PLD5: variants seen among roughly 807,000 people sequenced by gnomAD.
PLD5 encodes phospholipase D family member 5.
In PLD5, 36 loss-of-function variants were observed where a neutral mutation model predicts 61.1. The observed-to-expected ratio is 0.59, with a 90% CI of 0.45 to 0.78. PLD5 has a LOEUF of 0.78. PLD5 is among the 30% of genes least tolerant of loss of function. The pLI, the probability that PLD5 is intolerant of heterozygous loss-of-function variation, is 0.00. For missense variants in PLD5, 515 were observed against 644.4 expected (o/e 0.80, Z 2.17); for synonymous variants, 243 against 242.8 (o/e 1.00, Z -0.01).
chr1:242,106,363 A>G (rs1490390963), intron 8 of PLD5, among the ~76,000 whole-genome samples: 2 of 152,044 alleles, frequency 1.3e-5, no homozygotes, highest in East Asian at 1.9e-4. Flanking sequence ...GAAACTTTGC[A>G]TTTTCTCCCT....
chr1:242,376,886 A>G lies in PLD5; in HGVS notation c.190-28644T>C, dbSNP rs973465769. 7.8e-5 allele frequency: 121 copies of G among 1,559,450 alleles called. 1 individual carries two copies. The highest frequency in any genetic ancestry group is 7.3e-4 in the Middle Eastern group (3 of 4,130). ...TAACAAAAATGTCTTTTTTATTCCA[A>G]TGTGGACAGGGATTTTCCTCATGGA... On this transcript the variant is annotated intron_variant, in intron 1 of 9. Transcript: ENST00000536534.
intron 4 of PLD5, among the ~76,000 whole-genome samples, chr1:242,221,243 C>A (rs1670568785): frequency 6.6e-6 from 1 of 152,168 alleles, no homozygotes; most frequent in Non-Finnish European, 1.5e-5. Context: ...ACAGTCCATT[C>A]AATGCAAGGG....
chr1:242,295,699 T>G (rs1675614565), intron 2 of PLD5, among the ~76,000 whole-genome samples: 1 of 152,204 alleles, frequency 6.6e-6, no homozygotes, highest in Non-Finnish European at 1.5e-5. Flanking sequence ...TATTTTTAGT[T>G]TGCTGAGAAA....
At chr1:242,194,891 G>A (rs939242236) in intron 5 of PLD5, among the ~76,000 whole-genome samples, 7 of 152,048 alleles carry the variant, frequency 4.6e-5, no homozygotes, top group African/African-American at 1.2e-4. Context: ...GGAGGGAAGC[G>A]GGTAAGGGAT....
intron 1 of PLD5, among the ~76,000 whole-genome samples, chr1:242,406,094 G>A (rs1664221604): frequency 6.6e-6 from 1 of 152,074 alleles, no homozygotes; most frequent in Non-Finnish European, 1.5e-5. Context: ...ACCATGAGTT[G>A]CAAGAATGAC....
chr1:242,269,725 A>C (rs1251104198), intron 3 of PLD5, among the ~76,000 whole-genome samples: 2 of 152,170 alleles, frequency 1.3e-5, no homozygotes, highest in African/African-American at 4.8e-5. Context: ...GGTGAGGAGA[A>C]GTATGGTAAG....
chr1:242,434,660 C>G (rs1665898056), intron 1 of PLD5, among the ~76,000 whole-genome samples: 1 of 152,114 alleles, frequency 6.6e-6, no homozygotes, highest in African/African-American at 2.4e-5. Flanking sequence ...GTCACCCAGG[C>G]TAGAGTGTAG....
chr1:242,179,795 C>T (rs1333103904), intron 5 of PLD5, among the ~76,000 whole-genome samples: 3 of 152,130 alleles, frequency 2.0e-5, no homozygotes, highest in Non-Finnish European at 4.4e-5. Context: ...CCCAGCTACT[C>T]GGGAGGCTGA....
chr1:242,232,371 C>T (rs146058072), intron 4 of PLD5, among the ~76,000 whole-genome samples: 3 of 152,238 alleles, frequency 2.0e-5, no homozygotes, highest in Admixed American at 2.0e-4. Flanking sequence ...TTTGCTTTCT[C>T]ATTGAAAGTA....
chr1:242,156,163 G>A (rs571445632), intron 5 of PLD5, among the ~76,000 whole-genome samples: 1 of 151,098 alleles, frequency 6.6e-6, no homozygotes, highest in East Asian at 2.0e-4. Flanking sequence ...TTAGAGATTA[G>A]GATTGCAACT....
At chr1:242,114,219 T>C (rs1167395903) in intron 6 of PLD5, among the ~76,000 whole-genome samples, 193 bp from the exon 7 acceptor site, 1 of 152,172 alleles carries the variant, frequency 6.6e-6, no homozygotes, top group Admixed American at 6.5e-5. Context: ...GTAGGATGGG[T>C]CTCAAGTCTG....
chr1:242,330,171 G>T (rs1200034475), intron 2 of PLD5, among the ~76,000 whole-genome samples: 1 of 152,116 alleles, frequency 6.6e-6, no homozygotes, highest in Non-Finnish European at 1.5e-5. Flanking sequence ...AAAAAAAAAT[G>T]GTTCCTTCAT....
At position 242,088,666 on chromosome 1, in the gene PLD5, C is replaced by T. The variant is rs182828258; in HGVS notation, c.*1188G>A. The T allele has an allele frequency of 1.3e-5, 2 of 152,078 alleles. No individual in the cohort carries two copies. Among genetic ancestry groups the T allele is most frequent in the African/African-American group, 2.4e-5 (1 of 41,402 alleles). The allele number at this position is 152,078 out of a possible 1,614,324, so 9.4% of individuals were successfully genotyped here. A position where few individuals can be genotyped will look rare whatever the true frequency, so the allele number is the denominator to read the frequency against. Reference sequence around the variant, plus strand: ...GGGCTCTGAAGAGGCCATGCCTCTCCCTAGTGTAGCAATGGTCTCCATTAA... The same window carrying T: ...GGGCTCTGAAGAGGCCATGCCTCTCTCTAGTGTAGCAATGGTCTCCATTAA... On this transcript the variant is annotated 3_prime_UTR_variant, in exon 10 of 10. Transcript: ENST00000536534.
chr1:242,260,311 C>T (rs71648701), intron 4 of PLD5, among the ~76,000 whole-genome samples: 1,524 of 150,906 alleles, frequency 0.01, 8 homozygotes, highest in Non-Finnish European at 0.013. Context: ...GGCACCATTG[C>T]ACTCCAGCCT....
intron 5 of PLD5, among the ~76,000 whole-genome samples, chr1:242,154,176 A>G (rs889196564): frequency 3.9e-5 from 6 of 152,048 alleles, no homozygotes; most frequent in African/African-American, 1.5e-4. Context: ...AATTCTTGTG[A>G]TTTTTGCACA....
At chr1:242,367,393 G>A (rs950997417) in intron 1 of PLD5, among the ~76,000 whole-genome samples, 22 of 152,170 alleles carry the variant, frequency 1.4e-4, no homozygotes, top group African/African-American at 5.3e-4. Context: ...CTGGGAAACT[G>A]TATATGGAGC....
In PLD5 at chr1:242,226,268, C is replaced by T. The variant is rs916819276; in HGVS notation, c.608-6153G>A. On this transcript the variant is annotated intron_variant, in intron 4 of 9. Transcript: ENST00000536534. ...CCCTGACCCATTGCCCAGAGATCTC[C>T]GGATGTCAACCGAGAGATGCATACA... is the stretch of plus-strand genomic sequence containing the variant. Among the ~76,000 whole-genome samples, 11 of 152,190 alleles carry T rather than the reference C, an allele frequency of 7.2e-5. No individual in the cohort carries two copies. In the South Asian group the frequency reaches 8.3e-4, roughly 11 times the overall value.
intron 5 of PLD5, chr1:242,178,197 C>T (rs1186348895): frequency 6.6e-6 from 1 of 152,132 alleles, no homozygotes; most frequent in African/African-American, 2.4e-5. Context: ...TTGTGATCGC[C>T]CATATATACA....
intron 1 of PLD5, among the ~76,000 whole-genome samples, chr1:242,496,754 T>G (rs1261858633): frequency 7.9e-5 from 12 of 152,340 alleles, no homozygotes; most frequent in Admixed American, 5.2e-4. Context: ...TTTCTAAGTG[T>G]CCCCTAATAT....
Sources: gnomAD v4.1 joint callset for allele counts (sites outside exome capture counted in the v4.1 genomes callset) on GRCh38, gnomAD v4.1.1 for gene constraint, MANE v1.5 for transcripts, NCBI Gene and HGNC (gene_info 2026-07-23, HGNC 2026-07-21) for gene names.